Variants in CPS1 observed in about 807,000 individuals in gnomAD.
CPS1 encodes the protein carbamoyl-phosphate synthase 1.
CPS1 carries 109 observed loss-of-function variants against 174.6 expected under a neutral mutation model. The observed-to-expected ratio is 0.62, with a 90% CI of 0.53 to 0.73. CPS1 has a LOEUF of 0.73. Ranked by LOEUF, CPS1 falls within the 30% of genes least tolerant of loss-of-function variation. The pLI is 0.00. For synonymous variants in CPS1, 637 were observed against 632.0 expected, an observed-to-expected ratio of 1.01 and a Z score of -0.12; for missense variants, 1,689 against 1,821.9, an observed-to-expected ratio of 0.93 and a Z score of 1.33.
At chr2:210,677,750 T>G in intron 37 of CPS1, 137 bp from the exon 38 acceptor site, 1 of 783,122 alleles carries the variant, frequency 1.3e-6, no homozygotes, top group South Asian at 1.4e-5. Flanking sequence ...AAGTCTCCAT[T>G]ACATAAAAAA....
chr2:210,635,306 A>G lies in CPS1; in HGVS notation c.2688-2396A>G, dbSNP rs568910995. 2.0e-5 allele frequency among the ~76,000 whole-genome samples: 3 copies of G among 152,194 alleles called. No individual in the cohort carries two copies. In the East Asian group the frequency reaches 5.8e-4, roughly 29 times the overall value. ...ACTGCTGTAGTGTTTCTCAAGTACA[A>G]CCTTTCACACTATTATCTTTCTCTG... is the stretch of plus-strand genomic sequence containing the variant. On this transcript the variant is annotated intron_variant, in intron 21 of 37. Transcript: ENST00000233072.
chr2:210,608,539 T>G lies in CPS1; in HGVS notation c.2371T>G (p.Ser791Ala). The G allele has an allele frequency of 1.2e-6, 2 of 1,612,048 alleles. No homozygotes were observed. The stretch of plus-strand genomic sequence containing the variant: ...TGGAACATCTAGCCGAATTGGTAGC[T>G]CTATGAAAAGTGTAGGAGAGGTGAG... Reference protein sequence around the residue: ...FHGTSSRIGSSMKSVGEVMAI... With the variant: ...FHGTSSRIGSAMKSVGEVMAI... The change falls in exon 19 of 38, where the codon TCT becomes GCT. Residue 791 changes from serine (S) to alanine (A), a missense_variant. By Grantham distance (99) the Ser-to-Ala change is moderately conservative (BLOSUM62 1). Transcript: ENST00000233072.
At chr2:210,556,996 T>G in intron 1 of CPS1, 137 bp downstream of exon 1, 1 of 1,006,306 alleles carries the variant, frequency 9.9e-7, no homozygotes, top group Middle Eastern at 2.8e-4. Context: ...TCCTTTACTG[T>G]GGAACCTACT....
At chr2:210,539,835 C>G (rs1018972650) in intron 1 of CPS1, among the ~76,000 whole-genome samples, 1 of 152,148 alleles carries the variant, frequency 6.6e-6, no homozygotes. Context: ...CCTGTACTCT[C>G]AGAACCTCTG....
chr2:210,611,724 G>A (rs1016340297), intron 19 of CPS1, among the ~76,000 whole-genome samples: 1 of 151,786 alleles, frequency 6.6e-6, no homozygotes, highest in Non-Finnish European at 1.5e-5. Flanking sequence ...TATATTTCTG[G>A]TTTCTTTTTA....
In CPS1 at chr2:210,668,172, T is replaced by C; in HGVS notation, c.4003-14T>C. On this transcript the variant is annotated splice_polypyrimidine_tract_variant and intron_variant, in intron 33 of 37. Coordinates refer to ENST00000233072, the MANE Select transcript of CPS1 (RefSeq NM_001875.5). ...TGCATCCTCTATTTTAATTTTTTAT[T>C]TATTTCTAAACAGGTGGCTTGCTTT... 1 of 1,602,466 alleles carries C rather than the reference T, an allele frequency of 6.2e-7. No individual in the cohort carries two copies. The highest frequency in any genetic ancestry group is 8.5e-7 in the Non-Finnish European group (1 of 1,170,184).
chr2:210,590,196 C>G lies in CPS1; in HGVS notation c.802C>G (p.Pro268Ala), dbSNP rs763184047. The change falls in exon 8 of 38, where the codon CCA (proline) becomes GCA (alanine). Residue 268 changes from proline to alanine, a missense_variant. Coordinates refer to ENST00000233072, the MANE Select transcript of CPS1 (RefSeq NM_001875.5). ...TTTGATCGCGGGAGGACCGGGGAAC[C>G]CAGCTCTTGCAGAACCACTAATTCA... is the stretch of plus-strand genomic sequence containing the variant. ...GILIAGGPGN[P>A]ALAEPLIQNV... 3 of 1,612,714 alleles carry G rather than the reference C, an allele frequency of 1.9e-6. No individual in the cohort carries two copies. In the East Asian group the frequency reaches 6.7e-5, roughly 36 times the overall value.
At chr2:210,665,096 A>T (rs2105928445) in intron 33 of CPS1, among the ~76,000 whole-genome samples, 1 of 152,320 alleles carries the variant, frequency 6.6e-6, no homozygotes, top group East Asian at 1.9e-4. Context: ...TGATGGGATT[A>T]CCCAATTCTT....
intron 1 of CPS1, among the ~76,000 whole-genome samples, chr2:210,541,555 G>A (rs1696430361): frequency 6.6e-6 from 1 of 152,034 alleles, no homozygotes; most frequent in Non-Finnish European, 1.5e-5. Context: ...AGAGAAGGAG[G>A]AATTAAGCAA....
intron 1 of CPS1, among the ~76,000 whole-genome samples, chr2:210,514,196 A>T (rs1279084261): frequency 6.6e-6 from 1 of 151,812 alleles, no homozygotes; most frequent in African/African-American, 2.4e-5. Context: ...GAATTGTAGA[A>T]TAGTTTCTTC....
intron 22 of CPS1, 62 bp downstream of exon 22, chr2:210,637,905 C>T (rs1281035813): frequency 5.1e-6 from 8 of 1,574,992 alleles, no homozygotes; most frequent in Non-Finnish European, 7.0e-6. Context: ...AAAACGTAGG[C>T]ACCCATTCAA....
intron 20 of CPS1, among the ~76,000 whole-genome samples, chr2:210,613,854 G>C (rs143443664): frequency 7.4e-4 from 113 of 152,004 alleles, no homozygotes; most frequent in African/African-American, 2.2e-3. Context: ...TTGCCTGCTC[G>C]AGTGCTGGGA....
chr2:210,640,143 A>G, intron 24 of CPS1, 84 bp downstream of exon 24: 1 of 937,182 alleles, frequency 1.1e-6, no homozygotes, highest in South Asian at 1.4e-5. Flanking sequence ...TATTCCAAGA[A>G]CTATATCAAA....
intron 1 of CPS1, among the ~76,000 whole-genome samples, chr2:210,499,677 C>T (rs1046491122): frequency 2.0e-5 from 3 of 152,174 alleles, no homozygotes; most frequent in Non-Finnish European, 4.4e-5. Context: ...CCAAGCCTCT[C>T]TCCAAGTTAG....
At chr2:210,625,100 T>C (rs1470239150) in intron 21 of CPS1, among the ~76,000 whole-genome samples, 1 of 152,072 alleles carries the variant, frequency 6.6e-6, no homozygotes, top group Non-Finnish European at 1.5e-5. Flanking sequence ...TTCTATTCAG[T>C]CATTATGTAT....
At chr2:210,661,288 G>C (rs1700912094) in intron 32 of CPS1, among the ~76,000 whole-genome samples, 1 of 152,132 alleles carries the variant, frequency 6.6e-6, no homozygotes, top group Non-Finnish European at 1.5e-5. Context: ...AGCTGCATCA[G>C]TATGATGGTG....
At chr2:210,659,549 C>A (rs1489251236) in intron 31 of CPS1, among the ~76,000 whole-genome samples, 1 of 152,172 alleles carries the variant, frequency 6.6e-6, no homozygotes, top group Non-Finnish European at 1.5e-5. Flanking sequence ...CATGGCCACA[C>A]TGGGGACCAA....
At chr2:210,581,308 C>A (rs1296379841) in intron 5 of CPS1, among the ~76,000 whole-genome samples, 2 of 152,122 alleles carry the variant, frequency 1.3e-5, no homozygotes, top group Non-Finnish European at 1.5e-5. Flanking sequence ...ACTTGTCTTT[C>A]ATGTGATATG....
At chr2:210,483,081 G>A (rs1432130093) in intron 1 of CPS1, among the ~76,000 whole-genome samples, 1 of 152,072 alleles carries the variant, frequency 6.6e-6, no homozygotes, top group Non-Finnish European at 1.5e-5. Context: ...TCTTCTTCAG[G>A]TGGAATAATT....
Sources: gnomAD v4.1 joint callset for allele counts (sites outside exome capture counted in the v4.1 genomes callset) on GRCh38, gnomAD v4.1.1 for gene constraint, MANE v1.5 for transcripts, NCBI Gene and HGNC (gene_info 2026-07-23, HGNC 2026-07-21) for gene names.